NDST4: variants seen among roughly 807,000 people sequenced by gnomAD.
NDST4 encodes the protein N-deacetylase and N-sulfotransferase 4, also known as N-heparan sulfate sulfotransferase 4.
Under a neutral mutation model 100.8 loss-of-function variants are expected in NDST4, and 63 were observed. The ratio of observed to expected loss-of-function variants is 0.62; its 90% CI spans 0.51 to 0.77. The LOEUF (loss-of-function observed/expected upper bound fraction) is 0.77. Among genes scored for constraint, NDST4 ranks in the 30% least tolerant of loss-of-function variants. The pLI is 0.00. For missense variants in NDST4, 943 were observed against 1,018.4 expected (o/e 0.93, Z 1.01); for synonymous variants, 377 against 361.8 (o/e 1.04, Z -0.48).
chr4:114,958,718 A>G (rs987576306), intron 4 of NDST4, among the ~76,000 whole-genome samples: 2 of 151,810 alleles, frequency 1.3e-5, no homozygotes, highest in African/African-American at 4.8e-5. Context: ...CGTTTTCCCC[A>G]TTGTCTTGGT....
chr4:114,999,389 T>C (rs2583514), intron 2 of NDST4, among the ~76,000 whole-genome samples: 52,158 of 151,930 alleles, frequency 0.34, 9,084 homozygotes, highest in Middle Eastern at 0.49. Flanking sequence ...CTAATACTCA[T>C]ATCTACTTCC....
intron 2 of NDST4, among the ~76,000 whole-genome samples, chr4:114,986,885 A>C (rs919671137): frequency 4.9e-5 from 7 of 143,626 alleles, no homozygotes; most frequent in Admixed American, 3.5e-4. Flanking sequence ...ATTATAACTT[A>C]TAAAATTTTT....
intron 4 of NDST4, among the ~76,000 whole-genome samples, chr4:114,958,786 G>T: frequency 6.6e-6 from 1 of 152,112 alleles, no homozygotes; most frequent in East Asian, 1.9e-4. Context: ...TTGAATTTCT[G>T]TTCAGAAAAT....
intron 6 of NDST4, among the ~76,000 whole-genome samples, chr4:114,873,976 A>C (rs568069591): frequency 1.3e-5 from 2 of 152,308 alleles, no homozygotes; most frequent in East Asian, 3.9e-4. Context: ...CATCATTTCT[A>C]AGTATGCAGT....
In NDST4 at chr4:114,970,214, T is replaced by A. The variant is rs549877980; in HGVS notation, c.1221+216A>T. 1.8e-4 allele frequency among the ~76,000 whole-genome samples: 27 copies of A among 152,302 alleles called. 1 individual carries two copies. Among genetic ancestry groups the A allele is most frequent in the Admixed American group, 7.2e-4 (11 of 15,290 alleles). On this transcript the variant is annotated intron_variant, in intron 4 of 13. Coordinates refer to ENST00000264363, the MANE Select transcript of NDST4 (RefSeq NM_022569.3). Reference sequence around the variant, plus strand: ...TCTGAAAATAACTTACTTTTTGAAATATATTTTCTATATAATTACATAATG... The same window carrying A: ...TCTGAAAATAACTTACTTTTTGAAAAATATTTTCTATATAATTACATAATG...
chr4:114,860,075 T>G (rs1560782694), intron 7 of NDST4, among the ~76,000 whole-genome samples: 1 of 152,218 alleles, frequency 6.6e-6, no homozygotes, highest in East Asian at 1.9e-4. Flanking sequence ...AACCATATTA[T>G]GTTAGAATTT....
chr4:115,055,199 T>C (rs190840220), intron 2 of NDST4, among the ~76,000 whole-genome samples: 1 of 152,272 alleles, frequency 6.6e-6, no homozygotes, highest in African/African-American at 2.4e-5. Context: ...GACCATTTAG[T>C]TGCAGGGAAA....
At chr4:114,984,409 C>T (rs1345199871) in intron 2 of NDST4, among the ~76,000 whole-genome samples, 1 of 123,902 alleles carries the variant, frequency 8.1e-6, no homozygotes, top group East Asian at 2.4e-4. Context: ...GAACTCCTGA[C>T]CTTGTGATCC....
At chr4:114,902,227 T>G (rs992943778) in intron 6 of NDST4, among the ~76,000 whole-genome samples, 29 of 152,036 alleles carry the variant, frequency 1.9e-4, no homozygotes, top group Non-Finnish European at 2.9e-5. Context: ...ATTATTTTCC[T>G]TCTGTTTAAA....
chr4:114,973,451 A>G (rs1726560460), intron 3 of NDST4, among the ~76,000 whole-genome samples: 3 of 152,072 alleles, frequency 2.0e-5, no homozygotes, highest in Admixed American at 1.3e-4. Context: ...TCTGTGCTCA[A>G]ATTAAACCTT....
In NDST4 at chr4:114,954,548, C is replaced by A. The variant is rs184926870; in HGVS notation, c.1221+15882G>T. Among the ~76,000 whole-genome samples, 408 of 152,222 alleles carry A rather than the reference C, an allele frequency of 2.7e-3. 2 individuals are homozygous for A. The highest frequency in any genetic ancestry group is 0.024 in the Middle Eastern group (7 of 294). On this transcript the variant is annotated intron_variant, in intron 4 of 13. Transcript: ENST00000264363. Reference sequence around the variant, plus strand: ...ATAAGACTAGAAGATAAGTAACTTACTTATTTTGTGAAAAACAGATAAAAG... The same window carrying A: ...ATAAGACTAGAAGATAAGTAACTTAATTATTTTGTGAAAAACAGATAAAAG...
At chr4:115,075,645 C>T (rs532128835) in intron 2 of NDST4, among the ~76,000 whole-genome samples, 14 of 152,024 alleles carry the variant, frequency 9.2e-5, no homozygotes, top group African/African-American at 1.4e-4. Context: ...ATTAGCCAGA[C>T]GTGGTGGCAG....
intron 2 of NDST4, among the ~76,000 whole-genome samples, chr4:115,011,090 C>T (rs1002369201): frequency 2.0e-5 from 3 of 152,000 alleles, no homozygotes; most frequent in African/African-American, 4.8e-5. Flanking sequence ...TACCGAACAA[C>T]TGACAAATAG....
At chr4:115,011,616 T>C (rs1347327914) in intron 2 of NDST4, among the ~76,000 whole-genome samples, 2 of 151,924 alleles carry the variant, frequency 1.3e-5, no homozygotes, top group Non-Finnish European at 2.9e-5. Flanking sequence ...TTTCAGGTAA[T>C]AATAAACAAT....
intron 7 of NDST4, among the ~76,000 whole-genome samples, chr4:114,865,413 G>A (rs759601563): frequency 6.6e-6 from 1 of 152,048 alleles, no homozygotes; most frequent in Non-Finnish European, 1.5e-5. Flanking sequence ...AGTCCCTTAT[G>A]TTATTATTTG....
At chr4:114,909,607 C>CTTG (rs1366412470) in intron 6 of NDST4, among the ~76,000 whole-genome samples, 1 of 146,754 alleles carries the variant, frequency 6.8e-6, no homozygotes, top group East Asian at 2.0e-4. Context: ...TTGCAGTGAG[C>CTTG]CGAGATTGCG....
Position 115,083,836 on chromosome 4 carries a change from C to T in NDST4, c.-246-6554G>A, listed in dbSNP as rs187220049. ...GATTGTAAGGTTCCTGAGGACTCCC[C>T]AGCCATGAGGAACTGCGAGTCAATT... On this transcript the variant is annotated intron_variant, in intron 1 of 13. Transcript: ENST00000264363. 5.2e-3 allele frequency among the ~76,000 whole-genome samples: 794 copies of T among 152,216 alleles called. 3 individuals carry two copies. The highest frequency in any genetic ancestry group is 8.2e-3 in the Non-Finnish European group (556 of 68,010).
At chr4:114,969,785 G>C (rs1726468442) in intron 4 of NDST4, among the ~76,000 whole-genome samples, 1 of 152,190 alleles carries the variant, frequency 6.6e-6, no homozygotes, top group Non-Finnish European at 1.5e-5. Context: ...ACATGTGTGT[G>C]CGTCTTTATG....
intron 10 of NDST4, among the ~76,000 whole-genome samples, chr4:114,844,904 C>CT (rs1723511562): frequency 6.6e-6 from 1 of 152,166 alleles, no homozygotes; most frequent in Non-Finnish European, 1.5e-5. Flanking sequence ...TCTTTACATC[C>CT]TTTTTTGTAA....
Sources: gnomAD v4.1 joint callset for allele counts (sites outside exome capture counted in the v4.1 genomes callset) on GRCh38, gnomAD v4.1.1 for gene constraint, MANE v1.5 for transcripts, NCBI Gene and HGNC (gene_info 2026-07-23, HGNC 2026-07-21) for gene names.